The following SETBP1 variants were observed in gnomAD, a reference collection of about 807,000 sequenced individuals.
SETBP1 encodes SET binding protein 1.
Under a neutral mutation model 101.0 loss-of-function variants are expected in SETBP1, and 9 were observed. That is an observed-to-expected ratio of 0.09 (90% CI 0.05 to 0.16). The LOEUF is 0.16. Ranked by LOEUF, SETBP1 falls within the 10% of genes least tolerant of loss-of-function variation. SETBP1 has a pLI of 1.00. For missense variants in SETBP1, 1,858 were observed against 2,033.8 expected (o/e 0.91, Z 1.66); for synonymous variants, 818 against 788.5 (o/e 1.04, Z -0.63).
chr18:44,962,749 A>G (rs1400076916), intron 4 of SETBP1, among the ~76,000 whole-genome samples: 1 of 152,192 alleles, frequency 6.6e-6, no homozygotes, highest in East Asian at 1.9e-4. Context: ...AGAAGGAGGC[A>G]TTAAGTGAGG....
At chr18:44,884,781 T>C (rs1173519444) in intron 3 of SETBP1, among the ~76,000 whole-genome samples, 3 of 152,162 alleles carry the variant, frequency 2.0e-5, no homozygotes, top group African/African-American at 4.8e-5. Context: ...AAAGAGTTTT[T>C]TGTTTGTTTG....
intron 1 of SETBP1, among the ~76,000 whole-genome samples, chr18:44,696,599 T>A (rs2069021840): frequency 6.6e-6 from 1 of 152,228 alleles, no homozygotes; most frequent in Non-Finnish European, 1.5e-5. Flanking sequence ...CCAAGCAGGA[T>A]TCCCCTGGCC....
chr18:44,951,320 G>C lies in SETBP1; in HGVS notation c.1980G>C (p.Lys660Asn). The C allele has an allele frequency of 6.2e-7, 1 of 1,613,604 alleles. No homozygotes were observed. The highest frequency in any genetic ancestry group is 8.5e-7 in the Non-Finnish European group (1 of 1,179,970). ...KKVGKLGVLD[K>N]KTIKTINKMK... ...TTGGAAAGCTCGGCGTGTTGGATAA[G>C]AAGACCATCAAAACTATCAATAAGA... Residue 660 changes from lysine to asparagine, a missense_variant, in exon 4 of 6, where the codon AAG (lysine) becomes AAC (asparagine). Coordinates refer to ENST00000649279, the MANE Select transcript of SETBP1 (RefSeq NM_015559.3). This position sits in a 1 kb window ranked among gnomAD's most constrained non-coding sequence, Gnocchi z 7.8.
At chr18:44,783,115 C>G (rs1246948239) in intron 2 of SETBP1, among the ~76,000 whole-genome samples, 3 of 152,190 alleles carry the variant, frequency 2.0e-5, no homozygotes, top group Non-Finnish European at 4.4e-5. Flanking sequence ...CCTGTTCTCA[C>G]TTTTCCCAAA....
chr18:44,703,348 GTTTTTTTTTTTTTTTTTTTTTTTTTT>G (rs531974601), intron 2 of SETBP1, among the ~76,000 whole-genome samples: 536 of 51,458 alleles, frequency 0.01, 12 homozygotes, highest in African/African-American at 0.035. Context: ...TTACCATTAG[GTTTTTTTTTTTTTTTTTTTTTTTTTT>G]TTTTTTTTTT....
chr18:44,982,165 T>A (rs947605510), intron 4 of SETBP1, among the ~76,000 whole-genome samples: 5 of 152,220 alleles, frequency 3.3e-5, no homozygotes, highest in Non-Finnish European at 7.3e-5. Flanking sequence ...CTGGAATAAA[T>A]GACACTTCCA....
chr18:44,906,840 G>C (rs1201276906), intron 3 of SETBP1, among the ~76,000 whole-genome samples: 1 of 151,986 alleles, frequency 6.6e-6, no homozygotes, highest in South Asian at 2.1e-4. Context: ...TTTTTTGTTT[G>C]TTTGTTTTTA....
At position 44,951,912 on chromosome 18, in the gene SETBP1, G is replaced by A. The variant is rs1178702025; in HGVS notation, c.2572G>A (p.Glu858Lys). 6.2e-7 allele frequency: 1 copy of A among 1,613,910 alleles called. No homozygotes were observed. Among genetic ancestry groups the A allele is most frequent in the Non-Finnish European group, 8.5e-7 (1 of 1,179,972 alleles). Residue 858 changes from glutamate to lysine, a missense_variant, in exon 4 of 6, where the codon GAG becomes AAG. By Grantham distance (56) the Glu-to-Lys change is moderately conservative. Transcript: ENST00000649279. This position sits in a 1 kb window ranked among gnomAD's most constrained non-coding sequence, Gnocchi z 7.8. ...LKEITLSPVS[E>K]SHSEETIPSD... ...GGAAATCACGCTGTCCCCTGTGAGC[G>A]AGTCCCACAGTGAGGAGACGATCCC...
chr18:44,994,738 C>T (rs1308383201), intron 4 of SETBP1, among the ~76,000 whole-genome samples: 1 of 152,188 alleles, frequency 6.6e-6, no homozygotes, highest in African/African-American at 2.4e-5. Context: ...CTACACATAT[C>T]AGCTGAATCT....
intron 4 of SETBP1, among the ~76,000 whole-genome samples, chr18:45,023,468 C>T (rs1395631252): frequency 6.6e-6 from 1 of 152,212 alleles, no homozygotes; most frequent in Non-Finnish European, 1.5e-5. Context: ...TTGCTGTATT[C>T]ACAGTAGGCA....
intron 3 of SETBP1, among the ~76,000 whole-genome samples, chr18:44,943,083 C>G (rs1359955484): frequency 2.0e-5 from 3 of 152,198 alleles, no homozygotes; most frequent in South Asian, 2.1e-4. Context: ...ACATTCTTCT[C>G]ACAACTACCA....
Position 45,064,519 on chromosome 18 carries a change from T to C in SETBP1, c.*821T>C, listed in dbSNP as rs952849930. 6.6e-6 allele frequency: 1 copy of C among 152,174 alleles called. No homozygotes were observed. Among genetic ancestry groups the C allele is most frequent in the Non-Finnish European group, 1.5e-5 (1 of 68,010 alleles). The allele number at this position is 152,174 out of a possible 1,614,324, so 9.4% of individuals were successfully genotyped here. On this transcript the variant is annotated 3_prime_UTR_variant, in exon 6 of 6. Coordinates refer to ENST00000649279, the MANE Select transcript of SETBP1 (RefSeq NM_015559.3). ...CCCTTGGCATGCTGTTCCAAGAACC[T>C]GGGTTTGAATCCCAATCGTTGTGAA... is the stretch of plus-strand genomic sequence containing the variant.
chr18:44,704,704 G>A (rs2069182305), intron 2 of SETBP1, among the ~76,000 whole-genome samples: 1 of 152,210 alleles, frequency 6.6e-6, no homozygotes, highest in Non-Finnish European at 1.5e-5. Context: ...TAGAAACCTT[G>A]CCTACTATGT....
chr18:44,900,036 T>A (rs994215764), intron 3 of SETBP1, among the ~76,000 whole-genome samples: 1 of 152,178 alleles, frequency 6.6e-6, no homozygotes, highest in Non-Finnish European at 1.5e-5. Context: ...TGGGTGCATC[T>A]GTGTTGCAAT....
At chr18:44,943,919 C>T (rs1216038221) in intron 3 of SETBP1, among the ~76,000 whole-genome samples, 5 of 151,720 alleles carry the variant, frequency 3.3e-5, no homozygotes, top group African/African-American at 1.2e-4. Flanking sequence ...ATGGCAACCT[C>T]CACTTCCTGG....
chr18:44,927,188 G>A (rs903200495), intron 3 of SETBP1, among the ~76,000 whole-genome samples: 1 of 152,160 alleles, frequency 6.6e-6, no homozygotes, highest in South Asian at 2.1e-4. Flanking sequence ...ACCATGTCTC[G>A]TCTATAGTGC....
At chr18:44,977,659 A>G (rs963187192) in intron 4 of SETBP1, among the ~76,000 whole-genome samples, 22 of 152,230 alleles carry the variant, frequency 1.4e-4, no homozygotes, top group African/African-American at 5.3e-4. Flanking sequence ...AGAAGTTACA[A>G]TCTTGTTTCC....
At chr18:44,955,114 G>A (rs887941393) in intron 4 of SETBP1, among the ~76,000 whole-genome samples, 15 of 152,182 alleles carry the variant, frequency 9.9e-5, no homozygotes, top group African/African-American at 3.1e-4. Context: ...ACGATTTTAC[G>A]AGGATTTGTC....
rs200881888 is a variant in SETBP1, at chr18:45,038,644, C to A, written c.4160C>A (p.Thr1387Lys). Reference protein sequence around the residue: ...VLSLLAASAATSDAVGSSLKK... With the variant: ...VLSLLAASAAKSDAVGSSLKK... ...TCTCTCCTTGCTGCATCTGCAGCAA[C>A]GTCGGATGCAGGTGAGCACTTTTCA... is the stretch of plus-strand genomic sequence containing the variant. The change falls in exon 5 of 6, where the codon ACG becomes AAG. Residue 1387 changes from threonine to lysine, a missense_variant. Physicochemically the swap from Thr to Lys is moderately conservative, Grantham distance 78. Coordinates refer to ENST00000649279, the MANE Select transcript of SETBP1 (RefSeq NM_015559.3). 6.2e-7 allele frequency: 1 copy of A among 1,614,040 alleles called. No homozygotes were observed. The highest frequency in any genetic ancestry group is 8.5e-7 in the Non-Finnish European group (1 of 1,179,940).
Sources: allele counts gnomAD v4.1 joint callset (sites outside exome capture counted in the v4.1 genomes callset), GRCh38; gene constraint gnomAD v4.1.1; non-coding constraint Gnocchi (gnomAD v3.1); transcripts MANE v1.5; gene names NCBI Gene and HGNC (gene_info 2026-07-23, HGNC 2026-07-21).